The following DNAH14 variants were observed in gnomAD, a reference collection of about 807,000 sequenced individuals.
DNAH14 encodes the protein axonemal beta dynein heavy chain 14.
In DNAH14, 478 loss-of-function variants were observed where a neutral mutation model predicts 520.9. That is an observed-to-expected ratio of 0.92 (90% CI 0.85 to 0.99). The LOEUF (loss-of-function observed/expected upper bound fraction) is 0.99, where lower values mean the gene tolerates loss of function less well. DNAH14 is among the 50% of genes least tolerant of loss of function. The pLI is 0.00. For missense variants in DNAH14, 4,831 were observed against 5,234.5 expected (o/e 0.92, Z 2.38); for synonymous variants, 1,581 against 1,757.2 (o/e 0.90, Z 2.51).
intron 38 of DNAH14, among the ~76,000 whole-genome samples, chr1:225,196,922 G>A (rs545193646): frequency 1.3e-5 from 2 of 152,098 alleles, no homozygotes; most frequent in South Asian, 4.2e-4. Context: ...ATTCACTTGA[G>A]TTTGTTGTAG....
intron 75 of DNAH14, among the ~76,000 whole-genome samples, chr1:225,362,887 G>A (rs1244290609): frequency 6.6e-6 from 1 of 151,982 alleles, no homozygotes; most frequent in Non-Finnish European, 1.5e-5. Context: ...AAAATATGCA[G>A]CATAATTATT....
At chr1:225,011,612 C>T (rs1443558877) in intron 10 of DNAH14, among the ~76,000 whole-genome samples, 1 of 152,028 alleles carries the variant, frequency 6.6e-6, no homozygotes, top group Non-Finnish European at 1.5e-5. Context: ...TCTGGGTGCT[C>T]CTGTGTTGGG....
At chr1:224,990,287 T>A (rs1057489437) in intron 8 of DNAH14, among the ~76,000 whole-genome samples, 1 of 152,200 alleles carries the variant, frequency 6.6e-6, no homozygotes, top group Non-Finnish European at 1.5e-5. Context: ...GTTAACATAT[T>A]TATCACCTCA....
intron 11 of DNAH14, among the ~76,000 whole-genome samples, chr1:225,038,112 G>C (rs1462808795): frequency 6.6e-6 from 1 of 152,132 alleles, no homozygotes; most frequent in Non-Finnish European, 1.5e-5. Flanking sequence ...ATTTCTTGTA[G>C]GATAGATCTG....
chr1:224,934,841 C>G (rs1219273408), intron 1 of DNAH14, among the ~76,000 whole-genome samples: 1 of 151,670 alleles, frequency 6.6e-6, no homozygotes, highest in Non-Finnish European at 1.5e-5. Flanking sequence ...TCTGCAGAAA[C>G]CTTACAGGCT....
intron 10 of DNAH14, among the ~76,000 whole-genome samples, chr1:225,007,944 C>A (rs1188854283): frequency 2.1e-5 from 3 of 143,702 alleles, no homozygotes; most frequent in Middle Eastern, 6.5e-3. Context: ...TTTTTTTATA[C>A]TTTAAGTTCT....
intron 8 of DNAH14, among the ~76,000 whole-genome samples, chr1:224,986,148 C>T (rs1373797976): frequency 6.6e-6 from 1 of 151,786 alleles, no homozygotes; most frequent in African/African-American, 2.4e-5. Context: ...AGTCTCTCAG[C>T]AAAGAAAACC....
At chr1:224,985,413 A>G (rs938050728) in intron 8 of DNAH14, among the ~76,000 whole-genome samples, 74 of 152,318 alleles carry the variant, frequency 4.9e-4, no homozygotes, top group African/African-American at 1.8e-3. Flanking sequence ...GAGCTAAGCT[A>G]TGAGGACACA....
chr1:225,228,613 G>GA (rs879923496), intron 41 of DNAH14, among the ~76,000 whole-genome samples: 12 of 151,894 alleles, frequency 7.9e-5, no homozygotes, highest in Non-Finnish European at 1.3e-4. Context: ...CTCCTGGGGG[G>GA]GGTCACTTCT....
chr1:225,135,430 G>A (rs1352508613), intron 27 of DNAH14, among the ~76,000 whole-genome samples: 2 of 152,160 alleles, frequency 1.3e-5, no homozygotes, highest in Non-Finnish European at 2.9e-5. Context: ...TCATTCAGGA[G>A]CAGGTTGTTC....
intron 17 of DNAH14, among the ~76,000 whole-genome samples, chr1:225,063,630 A>C (rs2070461928): frequency 6.6e-6 from 1 of 152,136 alleles, no homozygotes; most frequent in African/African-American, 2.4e-5. Context: ...TCAAACAAAA[A>C]CAGAGACTCA....
intron 8 of DNAH14, among the ~76,000 whole-genome samples, chr1:224,982,381 G>A (rs867696387): frequency 3.9e-5 from 6 of 152,146 alleles, no homozygotes; most frequent in Non-Finnish European, 7.4e-5. Context: ...TTTGGGTCAG[G>A]GTCTGCTAAT....
In DNAH14 at chr1:225,152,846, A is replaced by G. The variant is rs538516167; in HGVS notation, c.5159A>G (p.Asn1720Ser). 10 of 1,551,036 alleles carry G rather than the reference A, an allele frequency of 6.4e-6. No homozygotes were observed. The East Asian group carries it at 7.3e-5, about 11-fold the overall frequency. Residue 1720 changes from asparagine to serine, a missense_variant, in exon 33 of 86, where the codon AAC becomes AGC. Transcript: ENST00000682510. The stretch of plus-strand genomic sequence containing the variant: ...AATTCACTCTCTGGAAAGCTAACTA[A>G]CCTTTATGAATTAGCGCGCAAACAG... Reference protein sequence around the residue: ...SANSLSGKLTNLYELARKQLS... With the variant: ...SANSLSGKLTSLYELARKQLS...
At chr1:225,334,884 ATGTGTG>A (rs1218533136) in intron 66 of DNAH14, among the ~76,000 whole-genome samples, 3 of 143,154 alleles carry the variant, frequency 2.1e-5, no homozygotes, top group Non-Finnish European at 4.6e-5. Flanking sequence ...CTACATATAT[ATGTGTG>A]TGTGTGTGTG....
rs557185631 is a variant in DNAH14 at position 225,021,286 on chromosome 1, A to C, written c.1108-2329A>C. On this transcript the variant is annotated intron_variant, in intron 10 of 85. Transcript: ENST00000682510. ...CCACTCCTGTTAAACACAGTACTGG[A>C]AATTCTAGCCAGATCAATTATGCAA... is the stretch of plus-strand genomic sequence containing the variant. Among the ~76,000 whole-genome samples, 14 of 152,316 alleles carry C rather than the reference A, an allele frequency of 9.2e-5. No individual in the cohort carries two copies. In the East Asian group the frequency reaches 2.7e-3, roughly 29 times the overall value.
chr1:225,021,559 T>A (rs1489123582), intron 10 of DNAH14, among the ~76,000 whole-genome samples: 1 of 151,978 alleles, frequency 6.6e-6, no homozygotes, highest in Non-Finnish European at 1.5e-5. Flanking sequence ...ATAAAATATC[T>A]AGGAATACAG....
At chr1:225,223,262 A>G (rs992581354) in intron 41 of DNAH14, among the ~76,000 whole-genome samples, 2 of 152,210 alleles carry the variant, frequency 1.3e-5, no homozygotes, top group African/African-American at 4.8e-5. Context: ...TGACACTTAT[A>G]AAGAGATAAG....
intron 1 of DNAH14, among the ~76,000 whole-genome samples, chr1:224,933,055 C>A (rs1286232150): frequency 6.6e-6 from 1 of 152,062 alleles, no homozygotes; most frequent in Non-Finnish European, 1.5e-5. Context: ...TTCTTCCTAT[C>A]CATGAGCATG....
chr1:225,048,514 TAA>T (rs2068172665), intron 15 of DNAH14, among the ~76,000 whole-genome samples: 1 of 151,990 alleles, frequency 6.6e-6, no homozygotes, highest in Non-Finnish European at 1.5e-5. Context: ...AAATAAAAAA[TAA>T]AAAATAATTA....
Sources: gnomAD v4.1 joint callset for allele counts (sites outside exome capture counted in the v4.1 genomes callset) on GRCh38, gnomAD v4.1.1 for gene constraint, MANE v1.5 for transcripts, NCBI Gene and HGNC (gene_info 2026-07-23, HGNC 2026-07-21) for gene names.